RAB3C: variants seen among roughly 807,000 people sequenced by gnomAD.
RAB3C encodes ras-related protein Rab-3C.
RAB3C carries 17 observed loss-of-function variants against 26.4 expected under a neutral mutation model. That is an observed-to-expected ratio of 0.64 (90% CI 0.44 to 0.97). RAB3C has a LOEUF of 0.97. Among genes scored for constraint, RAB3C ranks in the 50% least tolerant of loss-of-function variants. RAB3C has a pLI of 0.00. For missense variants in RAB3C, 242 were observed against 281.9 expected (o/e 0.86, Z 1.01); for synonymous variants, 91 against 95.9 (o/e 0.95, Z 0.30).
chr5:58,654,018 A>G (rs985186051), intron 2 of RAB3C, among the ~76,000 whole-genome samples: 4 of 152,214 alleles, frequency 2.6e-5, no homozygotes, highest in East Asian at 1.9e-4. Flanking sequence ...ATAAAACTTT[A>G]TATTTTCTGA....
At chr5:58,699,263 CAGAACAGCAAATATT>C (rs1748786774) in intron 2 of RAB3C, among the ~76,000 whole-genome samples, 2 of 113,202 alleles carry the variant, frequency 1.8e-5, no homozygotes, top group Non-Finnish European at 4.6e-5. Flanking sequence ...GCAGAGGCTG[CAGAACAGCAAATATT>C]GCAGAACAGC....
intron 2 of RAB3C, among the ~76,000 whole-genome samples, chr5:58,662,597 T>TG (rs1396405701): frequency 1.3e-5 from 2 of 150,164 alleles, no homozygotes; most frequent in African/African-American, 2.5e-5. Context: ...TTGGCCCAAA[T>TG]GTCGTATATC....
intron 4 of RAB3C, among the ~76,000 whole-genome samples, chr5:58,845,594 C>CTATATATATATATATATATATATA (rs147626783): frequency 1.7e-4 from 13 of 74,574 alleles, no homozygotes; most frequent in African/African-American, 6.8e-4. Context: ...GTGATTCTTA[C>CTATATATATATATATATATATATA]TATATATATA....
chr5:58,627,542 T>A (rs1747086356), intron 2 of RAB3C, among the ~76,000 whole-genome samples: 1 of 143,098 alleles, frequency 7.0e-6, no homozygotes. Flanking sequence ...TCGGTGCAAA[T>A]TAAGCATTTA....
At chr5:58,708,032 C>G (rs556565940) in intron 2 of RAB3C, among the ~76,000 whole-genome samples, 110 of 151,230 alleles carry the variant, frequency 7.3e-4, no homozygotes, top group Middle Eastern at 6.8e-3. Context: ...TCTGTGTTGC[C>G]CAGGCTGGAA....
At position 58,728,410 on chromosome 5, in the gene RAB3C, T is replaced by C. The variant is rs114591094; in HGVS notation, c.371+2290T>C. The stretch of plus-strand genomic sequence containing the variant: ...ACTTTCTAAATGCCTCTCCAATCTA[T>C]TGCTCTTTTTTCTTCCTATTGCCAA... On this transcript the variant is annotated intron_variant, in intron 3 of 4. Coordinates refer to ENST00000282878, the MANE Select transcript of RAB3C (RefSeq NM_138453.4). Among the ~76,000 whole-genome samples the C allele has an allele frequency of 1.1e-3, 167 of 152,220 alleles. 1 individual carries two copies. The highest frequency in any genetic ancestry group is 3.7e-3 in the African/African-American group (155 of 41,564).
chr5:58,672,801 G>A (rs1380823929), intron 2 of RAB3C, among the ~76,000 whole-genome samples: 2 of 152,176 alleles, frequency 1.3e-5, no homozygotes, highest in Non-Finnish European at 2.9e-5. Flanking sequence ...TTTTAAGTCA[G>A]TGGGTACTCT....
intron 1 of RAB3C, among the ~76,000 whole-genome samples, chr5:58,585,717 G>T (rs1046593857): frequency 1.3e-5 from 2 of 152,064 alleles, no homozygotes; most frequent in African/African-American, 4.8e-5. Flanking sequence ...GTTCGAGGTA[G>T]TTATCTTTGA....
intron 3 of RAB3C, among the ~76,000 whole-genome samples, chr5:58,809,585 C>A (rs1339042989): frequency 6.6e-6 from 1 of 152,124 alleles, no homozygotes; most frequent in Non-Finnish European, 1.5e-5. Flanking sequence ...GTGTCCCCAC[C>A]CATCAAGTTC....
In RAB3C at chr5:58,684,155, G is replaced by T. The variant is rs116598750; in HGVS notation, c.253-41847G>T. ...TTATCATTATTCTCTAAACAATACC[G>T]TATAACAACTATTTACATAGCATTT... On this transcript the variant is annotated intron_variant, in intron 2 of 4. Coordinates refer to ENST00000282878, the MANE Select transcript of RAB3C (RefSeq NM_138453.4). 5.0e-3 allele frequency among the ~76,000 whole-genome samples: 753 copies of T among 152,098 alleles called. 2 individuals are homozygous for T. Among genetic ancestry groups the T allele is most frequent in the Non-Finnish European group, 7.4e-3 (503 of 67,982 alleles).
intron 2 of RAB3C, among the ~76,000 whole-genome samples, chr5:58,648,831 G>A (rs1747581992): frequency 6.6e-6 from 1 of 152,162 alleles, no homozygotes; most frequent in Admixed American, 6.5e-5. Context: ...GTCATGTAAA[G>A]TCCAATTCTG....
intron 2 of RAB3C, among the ~76,000 whole-genome samples, chr5:58,692,610 A>C (rs1053275125): frequency 6.6e-6 from 1 of 150,856 alleles, no homozygotes; most frequent in Non-Finnish European, 1.5e-5. Context: ...ATTCAAATAG[A>C]AGTAAGCATC....
intron 3 of RAB3C, among the ~76,000 whole-genome samples, chr5:58,807,812 C>T (rs1220541508): frequency 1.3e-5 from 2 of 148,994 alleles, no homozygotes; most frequent in African/African-American, 5.1e-5. Context: ...ACAGTGGGTA[C>T]TCTCCAGTAG....
intron 2 of RAB3C, among the ~76,000 whole-genome samples, chr5:58,684,192 G>A (rs1748400529): frequency 6.6e-6 from 1 of 152,128 alleles, no homozygotes; most frequent in Admixed American, 6.6e-5. Flanking sequence ...CATTGTATTA[G>A]GTATTATAAG....
At chr5:58,605,214 G>A (rs1746534251) in intron 1 of RAB3C, among the ~76,000 whole-genome samples, 1 of 152,106 alleles carries the variant, frequency 6.6e-6, no homozygotes, top group Non-Finnish European at 1.5e-5. Flanking sequence ...GAGGGTCTGT[G>A]GGTCCTCTCA....
At chr5:58,717,726 CATGGGAAA>C (rs977689448) in intron 2 of RAB3C, among the ~76,000 whole-genome samples, 1 of 152,086 alleles carries the variant, frequency 6.6e-6, no homozygotes, top group Non-Finnish European at 1.5e-5. Flanking sequence ...TTTACAGATC[CATGGGAAA>C]CTCACATAAT....
chr5:58,641,255 T>C (rs1414709849), intron 2 of RAB3C, among the ~76,000 whole-genome samples: 1 of 152,132 alleles, frequency 6.6e-6, no homozygotes, highest in Non-Finnish European at 1.5e-5. Context: ...GTAAATGTGG[T>C]ATTTAAGGAA....
At chr5:58,605,776 G>T (rs143751082) in intron 1 of RAB3C, among the ~76,000 whole-genome samples, 1 of 152,094 alleles carries the variant, frequency 6.6e-6, no homozygotes, top group Admixed American at 6.6e-5. Context: ...TGGGCACCAA[G>T]CGCTTGTAAT....
At chr5:58,798,493 T>G (rs1300052746) in intron 3 of RAB3C, among the ~76,000 whole-genome samples, 2 of 152,124 alleles carry the variant, frequency 1.3e-5, no homozygotes, top group African/African-American at 4.8e-5. Flanking sequence ...AGATTCAAAA[T>G]GCTCTGAAAT....
Sources: gnomAD v4.1 joint callset for allele counts (sites outside exome capture counted in the v4.1 genomes callset) on GRCh38, gnomAD v4.1.1 for gene constraint, MANE v1.5 for transcripts, NCBI Gene and HGNC (gene_info 2026-07-23, HGNC 2026-07-21) for gene names.